The following EHD4 variants were observed in gnomAD, a reference collection of about 807,000 sequenced individuals.
The protein encoded by EHD4 is EH domain containing 4, also known as EH domain-containing protein 4.
EHD4 carries 37 observed loss-of-function variants against 51.0 expected under a neutral mutation model. That is an observed-to-expected ratio of 0.73 (90% CI 0.56 to 0.95). The LOEUF is 0.95. Ranked by LOEUF, EHD4 falls within the 40% of genes least tolerant of loss-of-function variation. The pLI is 0.00. For synonymous variants in EHD4, 297 were observed against 317.3 expected, an observed-to-expected ratio of 0.94 and a Z score of 0.68; for missense variants, 632 against 733.1, an observed-to-expected ratio of 0.86 and a Z score of 1.59.
intron 2 of EHD4, among the ~76,000 whole-genome samples, chr15:41,946,297 G>T (rs1306126468): frequency 6.6e-6 from 1 of 152,174 alleles, no homozygotes; most frequent in East Asian, 1.9e-4. Flanking sequence ...CGGAGCAACT[G>T]AAGATCCTAG....
At chr15:41,928,990 G>A (rs1048588938) in intron 3 of EHD4, 3 of 152,240 alleles carry the variant, frequency 2.0e-5, no homozygotes, top group African/African-American at 7.2e-5. Flanking sequence ...CTTTTGGAGA[G>A]GCTGGATGTG....
At chr15:41,912,422 C>T (rs748121756) in intron 4 of EHD4, among the ~76,000 whole-genome samples, 46 of 152,162 alleles carry the variant, frequency 3.0e-4, no homozygotes, top group African/African-American at 5.3e-4. Context: ...TGGCCAGGCA[C>T]GATGGCTCAT....
rs996500690 is a variant in EHD4 at position 41,898,200 on chromosome 15, G to A, written c.*2445C>T. Reference sequence around the variant, plus strand: ...CAGGTGCCAGCAGGGAAAGGACTCCGCTGCCTGACGCCTCTCCCACCTGAG... The same window carrying A: ...CAGGTGCCAGCAGGGAAAGGACTCCACTGCCTGACGCCTCTCCCACCTGAG... On this transcript the variant is annotated 3_prime_UTR_variant, in exon 6 of 6. Transcript: ENST00000220325. 11 of 152,058 alleles carry A rather than the reference G, an allele frequency of 7.2e-5. No individual in the cohort carries two copies. Among genetic ancestry groups the A allele is most frequent in the South Asian group, 2.1e-4 (1 of 4,818 alleles). The allele number at this position is 152,058 out of a possible 1,614,324, so 9.4% of individuals were successfully genotyped here.
chr15:41,905,933 A>G lies in EHD4; in HGVS notation c.1089+3766T>C, dbSNP rs144292966. 3.5e-3 allele frequency among the ~76,000 whole-genome samples: 532 copies of G among 152,306 alleles called. 10 individuals are homozygous for G. In the South Asian group the frequency reaches 0.041, roughly 12 times the overall value. ...GCAGTCCTCCCATTTCAGACTCCCA[A>G]AGTGCTGGGATTACAGGCGTAAGCC... On this transcript the variant is annotated intron_variant, in intron 5 of 5. Coordinates refer to ENST00000220325, the MANE Select transcript of EHD4 (RefSeq NM_139265.4).
At chr15:41,906,784 G>A (rs1436857847) in intron 5 of EHD4, among the ~76,000 whole-genome samples, 1 of 152,258 alleles carries the variant, frequency 6.6e-6, no homozygotes, top group Non-Finnish European at 1.5e-5. Flanking sequence ...CACCTGGTCT[G>A]GCTGCAGACC....
At chr15:41,922,788 G>T (rs2067635692) in intron 3 of EHD4, among the ~76,000 whole-genome samples, 1 of 152,180 alleles carries the variant, frequency 6.6e-6, no homozygotes, top group South Asian at 2.1e-4. Context: ...CAATACTCAT[G>T]TCTGGAGGAA....
At chr15:41,941,588 T>TTG (rs949225783) in intron 3 of EHD4, 6 of 150,602 alleles carry the variant, frequency 4.0e-5, no homozygotes, top group African/African-American at 1.2e-4. Context: ...TGGTGTTTTT[T>TTG]TTTTTGTTTT....
rs2067449958 is a variant in EHD4 at position 41,897,897 on chromosome 15, T to C, written c.*2748A>G. 1 of 152,086 alleles carries C rather than the reference T, an allele frequency of 6.6e-6. No homozygotes were observed. Among genetic ancestry groups the C allele is most frequent in the Admixed American group, 6.5e-5 (1 of 15,272 alleles). 9.4% of individuals were successfully genotyped at this position (152,086 alleles called of 1,614,324 possible). A position where few individuals can be genotyped will look rare whatever the true frequency, so the allele number is the denominator to read the frequency against. ...GGAAGAGGTTCTTTGAAAATTGGGG[T>C]GGTGCAGGAAGGGCAACGGTGATGG... On this transcript the variant is annotated 3_prime_UTR_variant, in exon 6 of 6. Coordinates refer to ENST00000220325, the MANE Select transcript of EHD4 (RefSeq NM_139265.4).
intron 2 of EHD4, among the ~76,000 whole-genome samples, chr15:41,945,518 G>C (rs1204389365): frequency 6.6e-6 from 1 of 152,194 alleles, no homozygotes; most frequent in African/African-American, 2.4e-5. Flanking sequence ...GAGGCGGAGG[G>C]AGAGCTTTGG....
In EHD4 at chr15:41,972,526, T is replaced by G; in HGVS notation, c.-32A>C. On this transcript the variant is annotated 5_prime_UTR_variant, in exon 1 of 6. Coordinates refer to ENST00000220325, the MANE Select transcript of EHD4 (RefSeq NM_139265.4). ...GCCAGTCCACGCTCGGATGGGACCC[T>G]GCTCCGGGTTCGACTCTCCCCGGCT... is the stretch of plus-strand genomic sequence containing the variant. 1.4e-6 allele frequency: 2 copies of G among 1,461,000 alleles called. No individual in the cohort carries two copies. Among genetic ancestry groups the G allele is most frequent in the Non-Finnish European group, 1.8e-6 (2 of 1,110,992 alleles). The allele number at this position is 1,461,000 out of a possible 1,614,324, so 90.5% of individuals were successfully genotyped here.
At chr15:41,954,683 G>C (rs974498799) in intron 1 of EHD4, among the ~76,000 whole-genome samples, 18 of 152,158 alleles carry the variant, frequency 1.2e-4, no homozygotes, top group African/African-American at 4.3e-4. Context: ...GCCCAGGCTG[G>C]CTGGAGTGCA....
intron 3 of EHD4, among the ~76,000 whole-genome samples, chr15:41,925,622 T>C (rs192166000): frequency 6.6e-6 from 1 of 152,328 alleles, no homozygotes; most frequent in African/African-American, 2.4e-5. Flanking sequence ...CAGTGAAACT[T>C]GTATTAGTCT....
intron 3 of EHD4, chr15:41,941,531 G>C (rs1346530948): frequency 6.6e-6 from 1 of 150,518 alleles, no homozygotes; most frequent in African/African-American, 2.4e-5. Flanking sequence ...TTTTATAATA[G>C]AAAATAAAGC....
chr15:41,950,754 A>G (rs1313529318), intron 2 of EHD4, among the ~76,000 whole-genome samples: 1 of 152,160 alleles, frequency 6.6e-6, no homozygotes, highest in African/African-American at 2.4e-5. Context: ...GAGCAGAGGC[A>G]TAGGGTGTGG....
chr15:41,929,733 T>C (rs1457465241), intron 3 of EHD4, among the ~76,000 whole-genome samples: 1 of 152,216 alleles, frequency 6.6e-6, no homozygotes, highest in Non-Finnish European at 1.5e-5. Context: ...GTGAGTCAGA[T>C]GATCAAAAAG....
rs1172834923 is a variant in EHD4 at position 41,901,060 on chromosome 15, T to C, written c.1211A>G (p.Glu404Gly). The C allele has an allele frequency of 6.2e-7, 1 of 1,612,870 alleles. No homozygotes were observed. Among genetic ancestry groups the C allele is most frequent in the African/African-American group, 1.3e-5 (1 of 75,034 alleles). Residue 404 changes from glutamate (E) to glycine (G), a missense_variant, in exon 6 of 6, where the codon GAG (glutamate) becomes GGG (glycine). Transcript: ENST00000220325. ...CACCAGCTGCGTGGGCGTGCTCGTC[T>C]CCTCCTGGCTGATGAGGTTCATGAG... Reference protein sequence around the residue: ...SPLMNLISQEETSTPTQLVQG... With the variant: ...SPLMNLISQEGTSTPTQLVQG...
In EHD4 at chr15:41,900,854, CCTT is replaced by C. The variant is rs752030719; in HGVS notation, c.1414_1416del (p.Lys472del). The C allele has an allele frequency of 9.9e-6, 16 of 1,614,060 alleles. No homozygotes were observed. The highest frequency in any genetic ancestry group is 1.4e-5 in the Non-Finnish European group (16 of 1,180,042). ...TTGGGCAGCTTGGAGGTCACCATCT[CCTT>C]CTTGGCGTTGACACCTGATATCTTG... On this transcript the variant is annotated inframe_deletion, in exon 6 of 6. Coordinates refer to ENST00000220325, the MANE Select transcript of EHD4 (RefSeq NM_139265.4). This position sits in a 1 kb window ranked among gnomAD's most constrained non-coding sequence, Gnocchi z 4.8.
At position 41,901,165 on chromosome 15, in the gene EHD4, T is replaced by C. The variant is rs753698193; in HGVS notation, c.1106A>G (p.Tyr369Cys). 3.2e-6 allele frequency: 5 copies of C among 1,559,792 alleles called. No homozygotes were observed. The highest frequency in any genetic ancestry group is 1.9e-5 in the Admixed American group (1 of 52,326). Residue 369 changes from tyrosine (Y) to cysteine (C), a missense_variant, in exon 6 of 6, where the codon TAT (tyrosine) becomes TGT (cysteine). Coordinates refer to ENST00000220325, the MANE Select transcript of EHD4 (RefSeq NM_139265.4). ...VKAMQEQLEN[Y>C]DFTKFHSLKP... Reference sequence around the variant, plus strand: ...CAGCGAGTGGAATTTGGTGAAGTCATAGTTCTCAAGCTGTTCCTGCAGAAG... The same window carrying C: ...CAGCGAGTGGAATTTGGTGAAGTCACAGTTCTCAAGCTGTTCCTGCAGAAG...
intron 3 of EHD4, 183 bp downstream of exon 3, chr15:41,942,884 A>G (rs959214022): frequency 1.8e-6 from 1 of 553,366 alleles, no homozygotes; most frequent in Admixed American, 3.0e-5. Flanking sequence ...CACAGAATAT[A>G]AGCCTCTGGA....
Sources: allele counts gnomAD v4.1 joint callset (sites outside exome capture counted in the v4.1 genomes callset), GRCh38; gene constraint gnomAD v4.1.1; non-coding constraint Gnocchi (gnomAD v3.1); transcripts MANE v1.5; gene names NCBI Gene and HGNC (gene_info 2026-07-23, HGNC 2026-07-21).